The following SGCZ variants were observed in gnomAD, a reference collection of about 807,000 sequenced individuals.
SGCZ encodes the protein sarcoglycan zeta.
A neutral mutation model predicts 41.3 loss-of-function variants in SGCZ; 40 were observed. The ratio of observed to expected loss-of-function variants is 0.97; its 90% confidence interval spans 0.75 to 1.26. SGCZ has a LOEUF of 1.26. Ranked by LOEUF, SGCZ falls within the 50% of genes most tolerant of loss-of-function variation. The probability of loss-of-function intolerance (pLI) is 0.00; values close to 1 mark genes in which losing one functional copy is unlikely to be tolerated. For synonymous variants in SGCZ, 206 were observed against 137.5 expected (o/e 1.50, Z -3.49); for missense variants, 552 against 369.8 (o/e 1.49, Z -4.04).
chr8:14,576,094 A>C (rs1188327756), intron 1 of SGCZ, among the ~76,000 whole-genome samples: 3 of 152,306 alleles, frequency 2.0e-5, no homozygotes, highest in Non-Finnish European at 4.4e-5. Context: ...AATCAATGCA[A>C]ATACTAATGT....
intron 1 of SGCZ, among the ~76,000 whole-genome samples, chr8:15,027,399 AT>A (rs1803497046): frequency 6.9e-4 from 1 of 1,444 alleles, no homozygotes; most frequent in South Asian, 0.25. Flanking sequence ...GTTGGCTCAA[AT>A]AAAAAAAGAA....
At chr8:14,121,937 T>C (rs995277594) in intron 5 of SGCZ, among the ~76,000 whole-genome samples, 1 of 152,174 alleles carries the variant, frequency 6.6e-6, no homozygotes, top group African/African-American at 2.4e-5. Flanking sequence ...AGCCCTACAA[T>C]GTATACCTCA....
rs7817295 is a variant in SGCZ, at chr8:15,013,917, A to G, written c.39+223668T>C. Among the ~76,000 whole-genome samples the G allele has an allele frequency of 3.0e-3, 450 of 152,100 alleles. 4 individuals carry two copies. Among genetic ancestry groups the G allele is most frequent in the African/African-American group, 9.7e-3 (404 of 41,498 alleles). On this transcript the variant is annotated intron_variant, in intron 1 of 7. Transcript: ENST00000382080. ...CGGGCAGCTAGATTCATGCTTTCTC[A>G]GTTTAATGCTATTATTGTAATTGAT... is the stretch of plus-strand genomic sequence containing the variant.
At chr8:14,414,066 G>A (rs142564459) in intron 2 of SGCZ, among the ~76,000 whole-genome samples, 2 of 151,814 alleles carry the variant, frequency 1.3e-5, no homozygotes, top group Non-Finnish European at 2.9e-5. Context: ...TGAGATCCAC[G>A]TTAGTTTTAA....
At chr8:14,363,005 G>A (rs1008769441) in intron 2 of SGCZ, among the ~76,000 whole-genome samples, 3 of 151,850 alleles carry the variant, frequency 2.0e-5, no homozygotes, top group South Asian at 2.1e-4. Flanking sequence ...AATTTCTTAC[G>A]TTGCTCAATA....
chr8:14,937,508 C>G (rs1014311374), intron 1 of SGCZ, among the ~76,000 whole-genome samples: 2 of 151,980 alleles, frequency 1.3e-5, no homozygotes, highest in African/African-American at 4.8e-5. Context: ...AACCCTACAA[C>G]TCATTTTATC....
intron 1 of SGCZ, among the ~76,000 whole-genome samples, chr8:15,010,029 AT>A (rs562581080): frequency 6.6e-6 from 1 of 151,788 alleles, no homozygotes; most frequent in Admixed American, 6.6e-5. Flanking sequence ...GTTAGTGTAT[AT>A]TTTTTTTCTG....
intron 7 of SGCZ, among the ~76,000 whole-genome samples, chr8:14,094,232 T>C (rs1397550154): frequency 2.6e-5 from 4 of 152,126 alleles, no homozygotes; most frequent in Non-Finnish European, 5.9e-5. Flanking sequence ...CATGGTGGTT[T>C]GCTGCACCAA....
intron 1 of SGCZ, among the ~76,000 whole-genome samples, chr8:15,218,172 C>G (rs1335237816): frequency 6.6e-6 from 1 of 151,878 alleles, no homozygotes; most frequent in Non-Finnish European, 1.5e-5. Flanking sequence ...TAGTGGGTAA[C>G]TTTTTTAAGT....
At chr8:14,542,806 A>T (rs1803510546) in intron 2 of SGCZ, among the ~76,000 whole-genome samples, 1 of 152,102 alleles carries the variant, frequency 6.6e-6, no homozygotes. Context: ...ATTTTAAAAA[A>T]AAATCTGAAA....
intron 4 of SGCZ, among the ~76,000 whole-genome samples, chr8:14,205,216 G>T (rs924389175): frequency 6.6e-6 from 1 of 151,518 alleles, no homozygotes; most frequent in African/African-American, 2.4e-5. Flanking sequence ...TATAAGCAGA[G>T]TACAAAATGA....
chr8:14,444,455 A>G (rs1563333656), intron 2 of SGCZ, among the ~76,000 whole-genome samples: 1 of 152,178 alleles, frequency 6.6e-6, no homozygotes. Flanking sequence ...AATGTGGCAC[A>G]TATACACCAT....
At chr8:15,070,183 G>A (rs778368148) in intron 1 of SGCZ, among the ~76,000 whole-genome samples, 3 of 151,992 alleles carry the variant, frequency 2.0e-5, no homozygotes, top group Non-Finnish European at 4.4e-5. Context: ...AAGCTTCAAA[G>A]TACTCCTCTG....
Position 14,946,921 on chromosome 8 carries a change from G to A in SGCZ, c.39+290664C>T, listed in dbSNP as rs533881770. Reference sequence around the variant, plus strand: ...GAACTCCTGACCTCATGATCCGCCCGCCTCGGCCTCCCAACGTGCTGGGAT... The same window carrying A: ...GAACTCCTGACCTCATGATCCGCCCACCTCGGCCTCCCAACGTGCTGGGAT... On this transcript the variant is annotated intron_variant, in intron 1 of 7. Coordinates refer to ENST00000382080, the MANE Select transcript of SGCZ (RefSeq NM_139167.4). Among the ~76,000 whole-genome samples the A allele has an allele frequency of 7.2e-5, 11 of 152,018 alleles. No homozygotes were observed. In the East Asian group the frequency reaches 1.7e-3, roughly 24 times the overall value.
chr8:15,079,088 T>C (rs895209603), intron 1 of SGCZ, among the ~76,000 whole-genome samples: 40 of 152,288 alleles, frequency 2.6e-4, no homozygotes, highest in Non-Finnish European at 4.0e-4. Context: ...CTCCCAAATC[T>C]AGCCTCTAAA....
At chr8:14,125,579 T>A (rs191490695) in intron 5 of SGCZ, among the ~76,000 whole-genome samples, 1 of 151,866 alleles carries the variant, frequency 6.6e-6, no homozygotes, top group Non-Finnish European at 1.5e-5. Flanking sequence ...GATTTAATGC[T>A]ATTTCCATCA....
intron 2 of SGCZ, among the ~76,000 whole-genome samples, chr8:14,520,768 A>T (rs1022940987): frequency 3.9e-5 from 6 of 152,142 alleles, no homozygotes; most frequent in African/African-American, 1.4e-4. Flanking sequence ...AAGGAATCTT[A>T]TGCTAATTGT....
intron 7 of SGCZ, among the ~76,000 whole-genome samples, chr8:14,092,282 G>T (rs946864819): frequency 1.3e-5 from 2 of 152,088 alleles, no homozygotes; most frequent in Admixed American, 1.3e-4. Context: ...TTTTGCTTAG[G>T]ATTGTCTTGG....
chr8:14,574,856 T>C (rs899638592), intron 1 of SGCZ, among the ~76,000 whole-genome samples: 2 of 152,128 alleles, frequency 1.3e-5, no homozygotes, highest in Non-Finnish European at 2.9e-5. Context: ...GCAAAACTCA[T>C]ACAGTGAATT....
Sources: allele counts gnomAD v4.1 joint callset (sites outside exome capture counted in the v4.1 genomes callset), GRCh38; gene constraint gnomAD v4.1.1; transcripts MANE v1.5; gene names NCBI Gene and HGNC (gene_info 2026-07-23, HGNC 2026-07-21).